Variants in NREP observed in about 807,000 individuals in gnomAD.
NREP encodes neuronal regeneration-related protein.
NREP carries 5 observed loss-of-function variants against 8.6 expected under a neutral mutation model. The observed-to-expected ratio is 0.58, with a 90% CI of 0.30 to 1.22. The LOEUF is 1.22. NREP is among the 50% of genes most tolerant of loss of function. The probability of loss-of-function intolerance (pLI) is 0.07; values close to 1 mark genes in which losing one functional copy is unlikely to be tolerated. For synonymous variants in NREP, 27 were observed against 28.0 expected (o/e 0.96, Z 0.11); for missense variants, 86 against 82.5 (o/e 1.04, Z -0.17).
At chr5:111,924,686 G>A (rs1190966933) in intron 2 of NREP, among the ~76,000 whole-genome samples, 1 of 152,120 alleles carries the variant, frequency 6.6e-6, no homozygotes, top group Non-Finnish European at 1.5e-5. Flanking sequence ...TTCTTCTTCA[G>A]ATTATTAATA....
chr5:111,910,787 G>C (rs1334296581), intron 2 of NREP, among the ~76,000 whole-genome samples: 1 of 151,974 alleles, frequency 6.6e-6, no homozygotes, highest in Non-Finnish European at 1.5e-5. Flanking sequence ...ATCTATCTTG[G>C]TCACAGCCAG....
At chr5:111,802,516 G>A (rs4957979) in intron 2 of NREP, among the ~76,000 whole-genome samples, 1 of 151,898 alleles carries the variant, frequency 6.6e-6, no homozygotes, top group African/African-American at 2.4e-5. Flanking sequence ...GTGTACATAC[G>A]GCAGAGCTCC....
chr5:111,872,021 C>CATAT (rs144779629), intron 2 of NREP, among the ~76,000 whole-genome samples: 5,871 of 148,990 alleles, frequency 0.039, 373 homozygotes, highest in East Asian at 0.23. Context: ...GGTTCCATTT[C>CATAT]ATATATATAT....
upstream of NREP, chr5:111,758,265 C>T (rs1239255672): frequency 1.0e-6 from 1 of 985,458 alleles, no homozygotes; most frequent in African/African-American, 1.7e-5. Context: ...CCAGCCAGAG[C>T]TGCGGCCTGG....
At chr5:111,828,447 T>C (rs1752681327) in intron 2 of NREP, among the ~76,000 whole-genome samples, 1 of 151,900 alleles carries the variant, frequency 6.6e-6, no homozygotes, top group Admixed American at 6.6e-5. Context: ...GAAAAAAAAA[T>C]TGTTGAGTAT....
At chr5:111,828,547 A>G (rs1427364563) in intron 2 of NREP, among the ~76,000 whole-genome samples, 1 of 152,194 alleles carries the variant, frequency 6.6e-6, no homozygotes, top group Non-Finnish European at 1.5e-5. Context: ...GGATGACTTC[A>G]GCTTAATTTC....
chr5:111,975,348 T>A, exon 2 of NREP: 1 of 1,551,674 alleles, frequency 6.4e-7, no homozygotes, highest in Non-Finnish European at 8.7e-7. Flanking sequence ...ATCCTGCTCC[T>A]CTGGGTTCGT....
chr5:111,826,981 T>A (rs901399288), intron 2 of NREP, among the ~76,000 whole-genome samples: 1 of 152,220 alleles, frequency 6.6e-6, no homozygotes, highest in African/African-American at 2.4e-5. Flanking sequence ...CAAATAATAT[T>A]TTCTTATTTG....
At chr5:111,832,300 T>C (rs1372519040) in intron 2 of NREP, among the ~76,000 whole-genome samples, 3 of 152,010 alleles carry the variant, frequency 2.0e-5, no homozygotes, top group African/African-American at 7.2e-5. Flanking sequence ...GGCAGATCAC[T>C]AGAGCTCATG....
At chr5:111,732,954 G>A (rs1370967948) in intron 3 of NREP, 1 of 152,180 alleles carries the variant, frequency 6.6e-6, no homozygotes, top group Non-Finnish European at 1.5e-5. Flanking sequence ...CAGAACGTTA[G>A]TGTATCTCTC....
At chr5:111,754,519 T>C (rs894041913) in intron 2 of NREP, among the ~76,000 whole-genome samples, 1 of 152,220 alleles carries the variant, frequency 6.6e-6, no homozygotes, top group Admixed American at 6.5e-5. Context: ...ACAAATACTT[T>C]ACAGCAGTTG....
chr5:111,765,004 G>A (rs558514441), intron 2 of NREP, among the ~76,000 whole-genome samples: 13 of 152,200 alleles, frequency 8.5e-5, no homozygotes, highest in South Asian at 4.1e-4. Flanking sequence ...AATGAAGGCC[G>A]TTACATAGGA....
chr5:111,761,740 G>A (rs1750964097), upstream of NREP, among the ~76,000 whole-genome samples: 1 of 152,204 alleles, frequency 6.6e-6, no homozygotes, highest in Admixed American at 6.5e-5. Flanking sequence ...TAGATCCAGG[G>A]AAGGTGACGC....
In NREP at chr5:111,791,602, C is replaced by T. The variant is rs371473841; in HGVS notation, c.136-56095G>A. Among the ~76,000 whole-genome samples the T allele has an allele frequency of 5.3e-5, 8 of 152,190 alleles. No individual in the cohort carries two copies. In the South Asian group the frequency reaches 8.3e-4, roughly 16 times the overall value. ...CAACGATCTTCCCTTCTCAGCCTCCCGAGTAGCTGGGACTATAGGTGTGTG... is the reference window on the plus strand; with the variant it reads ...CAACGATCTTCCCTTCTCAGCCTCCTGAGTAGCTGGGACTATAGGTGTGTG... On this transcript the variant is annotated intron_variant, in intron 2 of 3. Coordinates refer to the NREP transcript ENST00000395634.
chr5:111,822,382 G>A (rs1270035834), intron 2 of NREP, among the ~76,000 whole-genome samples: 1 of 152,216 alleles, frequency 6.6e-6, no homozygotes, highest in Non-Finnish European at 1.5e-5. Flanking sequence ...CCCTTAGGCA[G>A]TTTGATATAA....
intron 2 of NREP, among the ~76,000 whole-genome samples, chr5:111,964,331 T>G (rs113913884): frequency 1.9e-3 from 289 of 152,334 alleles, no homozygotes; most frequent in Non-Finnish European, 2.6e-3. Context: ...ATTTCATATA[T>G]GTAAATATAC....
At chr5:111,866,226 G>A (rs962458033) in intron 2 of NREP, among the ~76,000 whole-genome samples, 99 of 152,058 alleles carry the variant, frequency 6.5e-4, no homozygotes, top group African/African-American at 2.3e-3. Flanking sequence ...CCTATAGAAT[G>A]GGAGAAAATT....
rs2112606539 is a variant in NREP, at chr5:111,935,550, G to A, written c.135+39724C>T. ...TTTGAAATTTAGCTATAACTCCAGG[G>A]AGAAGGCAGAGATAAAGGCAGCTTG... On this transcript the variant is annotated intron_variant, in intron 2 of 3. Coordinates refer to the NREP transcript ENST00000395634. Among the ~76,000 whole-genome samples, 3 of 152,164 alleles carry A rather than the reference G, an allele frequency of 2.0e-5. No homozygotes were observed. In the Middle Eastern group the frequency reaches 0.01, roughly 518 times the overall value.
At chr5:111,911,678 C>T (rs1754915706) in intron 2 of NREP, among the ~76,000 whole-genome samples, 1 of 152,018 alleles carries the variant, frequency 6.6e-6, no homozygotes, top group African/African-American at 2.4e-5. Context: ...ATTATTCAGG[C>T]TCAATCTGAC....
Sources: allele counts gnomAD v4.1 joint callset (sites outside exome capture counted in the v4.1 genomes callset), GRCh38; gene constraint gnomAD v4.1.1; transcripts MANE v1.5; gene names NCBI Gene and HGNC (gene_info 2026-07-23, HGNC 2026-07-21).